Variants in TET3 observed in about 807,000 individuals in gnomAD.
TET3 encodes methylcytosine dioxygenase TET3.
A neutral mutation model predicts 141.4 loss-of-function variants in TET3; 19 were observed. The ratio of observed to expected loss-of-function variants is 0.13; its 90% CI spans 0.09 to 0.20. The LOEUF is 0.20. Ranked by LOEUF, TET3 falls within the 10% of genes least tolerant of loss-of-function variation. The pLI is 1.00. For missense variants in TET3, 1,874 were observed against 2,356.9 expected, an observed-to-expected ratio of 0.80 and a Z score of 4.24; for synonymous variants, 1,043 against 980.9, an observed-to-expected ratio of 1.06 and a Z score of -1.18.
At chr2:74,098,315 GAAT>G (rs997180207) in intron 10 of TET3, among the ~76,000 whole-genome samples, 41 of 152,104 alleles carry the variant, frequency 2.7e-4, no homozygotes, top group African/African-American at 8.7e-4. Context: ...TGATACAGTA[GAAT>G]AATATTACAC....
At chr2:73,998,079 T>C (rs1573645106) in intron 2 of TET3, among the ~76,000 whole-genome samples, 1 of 151,898 alleles carries the variant, frequency 6.6e-6, no homozygotes, top group Non-Finnish European at 1.5e-5. Context: ...GCGGCAGGGG[T>C]GTGGAAGGAT....
At chr2:74,076,571 C>G (rs559462678) in intron 5 of TET3, among the ~76,000 whole-genome samples, 2 of 149,528 alleles carry the variant, frequency 1.3e-5, no homozygotes, top group African/African-American at 4.9e-5. Context: ...AAAATACACA[C>G]GAAACCCCAC....
chr2:74,061,326 G>C (rs1181368520), intron 4 of TET3, among the ~76,000 whole-genome samples: 1 of 138,358 alleles, frequency 7.2e-6, no homozygotes, highest in Non-Finnish European at 1.6e-5. Context: ...GCCGGGCAGA[G>C]GCGCCCCTCA....
intron 4 of TET3, among the ~76,000 whole-genome samples, chr2:74,064,619 C>A (rs1034331043): frequency 6.6e-6 from 1 of 151,992 alleles, no homozygotes; most frequent in Non-Finnish European, 1.5e-5. Flanking sequence ...CACCATGTTG[C>A]CCAGGCTGGG....
intron 4 of TET3, among the ~76,000 whole-genome samples, chr2:74,056,037 C>G (rs1447290006): frequency 6.6e-6 from 1 of 152,182 alleles, no homozygotes; most frequent in Non-Finnish European, 1.5e-5. Context: ...GACTAAGAAA[C>G]TGGGGCAATT....
intron 3 of TET3, among the ~76,000 whole-genome samples, chr2:74,042,930 T>C (rs1687419485): frequency 6.6e-6 from 1 of 152,216 alleles, no homozygotes; most frequent in Non-Finnish European, 1.5e-5. Flanking sequence ...CCCTTTCTCC[T>C]CTTTTTGGTC....
At chr2:74,111,344 G>A (rs1422758832), downstream of TET3, among the ~76,000 whole-genome samples, 2 of 152,126 alleles carry the variant, frequency 1.3e-5, no homozygotes, top group African/African-American at 4.8e-5. Flanking sequence ...GGATAGCTCT[G>A]GGTGGCTCTT....
At chr2:73,984,337 C>G (rs1283056061), upstream of TET3, among the ~76,000 whole-genome samples, 1 of 152,258 alleles carries the variant, frequency 6.6e-6, no homozygotes, top group Non-Finnish European at 1.5e-5. The surrounding 1 kb of genome is among the most constrained non-coding windows in gnomAD (Gnocchi z 5.6). Flanking sequence ...GCGAGGGTGC[C>G]CTTAGCCTCT....
chr2:74,076,441 G>GTTTTTTTTTTTTTTTTTTTTTTTTTT (rs70965785), intron 5 of TET3, among the ~76,000 whole-genome samples: 4 of 56,586 alleles, frequency 7.1e-5, no homozygotes, highest in Admixed American at 2.5e-4. Flanking sequence ...ATTCCTCTGG[G>GTTTTTTTTTTTTTTTTTTTTTTTTTT]TTTTTTTTTT....
chr2:74,003,267 T>G, intron 3 of TET3, 101 bp downstream of exon 3: 1 of 1,468,298 alleles, frequency 6.8e-7, no homozygotes, highest in South Asian at 1.2e-5. Context: ...GGTGATCCCT[T>G]AATCTCCCAC....
chr2:74,004,198 C>A (rs778864971), intron 3 of TET3, among the ~76,000 whole-genome samples: 27 of 152,248 alleles, frequency 1.8e-4, no homozygotes, highest in Non-Finnish European at 3.4e-4. Context: ...CTGCCCCTGC[C>A]TCAGCCCACC....
At chr2:74,003,732 A>G (rs1175888770) in intron 3 of TET3, among the ~76,000 whole-genome samples, 7 of 150,972 alleles carry the variant, frequency 4.6e-5, no homozygotes, top group Non-Finnish European at 7.4e-5. Context: ...ATGACTGGGA[A>G]TCCGGCGGGC....
chr2:74,100,471 C>T lies in TET3; in HGVS notation c.3683C>T (p.Ser1228Phe), dbSNP rs1245696938. ...LKVEPQNHFS[S>F]FKYSGNAVVE... Reference sequence around the variant, plus strand: ...GTGGAGCCGCAGAACCACTTCAGCTCCTTCAAGTACAGCGGCAACGCGGTG... The same window carrying T: ...GTGGAGCCGCAGAACCACTTCAGCTTCTTCAAGTACAGCGGCAACGCGGTG... The change falls in exon 12 of 12, where the codon TCC becomes TTC. Residue 1228 changes from serine to phenylalanine, a missense_variant. Around this residue, in one of 10 missense-constraint regions of TET3, gnomAD observed 602 missense variants for 590.2 expected, o/e 1.02. Coordinates refer to ENST00000409262, the MANE Select transcript of TET3 (RefSeq NM_001287491.2). 1.3e-6 allele frequency: 2 copies of T among 1,592,462 alleles called. No individual in the cohort carries two copies.
chr2:73,988,945 A>G, intron 2 of TET3, among the ~76,000 whole-genome samples: 1 of 149,598 alleles, frequency 6.7e-6, no homozygotes, highest in Non-Finnish European at 1.5e-5. Context: ...TTAGCTTGGT[A>G]AAATACAAAA....
rs776536258 is a variant in TET3, at chr2:74,102,419, G to T, written c.*243G>T. 1.5e-5 allele frequency: 6 copies of T among 412,348 alleles called. No individual in the cohort carries two copies. The highest frequency in any genetic ancestry group is 4.1e-5 in the African/African-American group (2 of 48,260). The allele number at this position is 412,348 out of a possible 1,614,324, so 25.5% of individuals were successfully genotyped here. On this transcript the variant is annotated 3_prime_UTR_variant, in exon 12 of 12. Coordinates refer to ENST00000409262, the MANE Select transcript of TET3 (RefSeq NM_001287491.2). ...ACTACGGCTGTCGGGTGATTTTTCC[G>T]TGATCTTAATATTTATATCTCCAAG...
At chr2:74,098,413 C>T (rs567792162) in intron 10 of TET3, among the ~76,000 whole-genome samples, 27 of 151,936 alleles carry the variant, frequency 1.8e-4, no homozygotes, top group African/African-American at 5.8e-4. Context: ...TATTATGTGA[C>T]CATATGCATA....
Position 74,100,871 on chromosome 2 carries a change from C to T in TET3, c.4083C>T (p.Tyr1361=), listed in dbSNP as rs1382825388. 6.2e-7 allele frequency: 1 copy of T among 1,611,004 alleles called. No individual in the cohort carries two copies. Among genetic ancestry groups the T allele is most frequent in the Non-Finnish European group, 8.5e-7 (1 of 1,178,756 alleles). ...HPTPHHQQPA[Y]PGPKEYLLPK... ...CTCCTCACCACCAGCAGCCTGCGTA[C>T]CCAGGCCCCAAGGAGTATCTGCTTC... The change falls in exon 12 of 12, where the codon TAC becomes TAT. Residue 1361 remains tyrosine, a synonymous_variant. Coordinates refer to ENST00000409262, the MANE Select transcript of TET3 (RefSeq NM_001287491.2).
upstream of TET3, among the ~76,000 whole-genome samples, chr2:73,983,971 G>A (rs1193851846): frequency 6.6e-6 from 1 of 152,254 alleles, no homozygotes; most frequent in African/African-American, 2.4e-5. Context: ...CTGCACAACA[G>A]GTGAGGGAAA....
chr2:74,003,248 G>A, intron 3 of TET3, 82 bp downstream of exon 3: 1 of 1,523,360 alleles, frequency 6.6e-7, no homozygotes, highest in African/African-American at 1.4e-5. Context: ...AAAATAAAGG[G>A]TCTCCTCTGG....
Sources: gnomAD v4.1 joint callset for allele counts (sites outside exome capture counted in the v4.1 genomes callset) on GRCh38, gnomAD v4.1.1 for gene constraint, gnomAD v4.1.1 regional missense constraint, Gnocchi (gnomAD v3.1) non-coding constraint, MANE v1.5 for transcripts, NCBI Gene and HGNC (gene_info 2026-07-23, HGNC 2026-07-21) for gene names.